KIAA1671: variants seen among roughly 807,000 people sequenced by gnomAD.
KIAA1671 encodes KIAA1671.
KIAA1671 carries 52 observed loss-of-function variants against 131.2 expected under a neutral mutation model. The ratio of observed to expected loss-of-function variants is 0.40; its 90% CI spans 0.32 to 0.50. KIAA1671 has a LOEUF of 0.50. KIAA1671 is among the 20% of genes least tolerant of loss of function. The pLI is 0.73. For synonymous variants in KIAA1671, 1,003 were observed against 961.6 expected, an observed-to-expected ratio of 1.04 and a Z score of -0.80; for missense variants, 2,360 against 2,364.2, an observed-to-expected ratio of 1.00 and a Z score of 0.04.
chr22:25,038,682 TCAA>T, intron 4 of KIAA1671, 75 bp from the exon 5 acceptor site: 1 of 1,377,532 alleles, frequency 7.3e-7, no homozygotes, highest in Non-Finnish European at 9.7e-7. Flanking sequence ...AGCAGCCCTT[TCAA>T]TTACTCCACT....
At chr22:24,964,791 G>A (rs1439613164) in intron 1 of KIAA1671, among the ~76,000 whole-genome samples, 2 of 152,234 alleles carry the variant, frequency 1.3e-5, no homozygotes, top group East Asian at 3.9e-4. Flanking sequence ...TTTGGAGAAG[G>A]AGTCACTTGC....
At chr22:24,955,094 A>G (rs1205584252) in intron 1 of KIAA1671, among the ~76,000 whole-genome samples, 1 of 152,112 alleles carries the variant, frequency 6.6e-6, no homozygotes, top group Non-Finnish European at 1.5e-5. Flanking sequence ...GCTGTTTTTT[A>G]TTGAAGGCTG....
intron 3 of KIAA1671, 86 bp from the exon 4 acceptor site, chr22:25,032,523 C>A: frequency 1.3e-6 from 1 of 762,906 alleles, no homozygotes; most frequent in Non-Finnish European, 2.2e-6. Flanking sequence ...CTGAAGGTTA[C>A]TTGGCCTGGC....
chr22:24,965,794 G>A (rs576510198), intron 1 of KIAA1671, among the ~76,000 whole-genome samples: 7 of 150,776 alleles, frequency 4.6e-5, no homozygotes, highest in South Asian at 4.2e-4. Flanking sequence ...TAAAAAATGT[G>A]TGTAAGTTGT....
Position 25,196,540 on chromosome 22 carries a change from T to A in KIAA1671, c.*4139T>A, listed in dbSNP as rs1934835058. ...GCCTCCAACTCCTGGGCTCAAGCAATCCTCTCATCTCCACCTCCAGAGTAG... is the reference window on the plus strand; with the variant it reads ...GCCTCCAACTCCTGGGCTCAAGCAAACCTCTCATCTCCACCTCCAGAGTAG... On this transcript the variant is annotated 3_prime_UTR_variant, in exon 13 of 13. Transcript: ENST00000358431. 1 of 152,048 alleles carries A rather than the reference T, an allele frequency of 6.6e-6. No homozygotes were observed. The highest frequency in any genetic ancestry group is 1.9e-4 in the East Asian group (1 of 5,182). The allele number at this position is 152,048 out of a possible 1,614,324, so 9.4% of individuals were successfully genotyped here. A position where few individuals can be genotyped will look rare whatever the true frequency, so the allele number is the denominator to read the frequency against.
chr22:25,187,520 T>C (rs542244721), intron 11 of KIAA1671, among the ~76,000 whole-genome samples: 74 of 152,276 alleles, frequency 4.9e-4, no homozygotes, highest in African/African-American at 1.8e-3. Context: ...GACTTTATTG[T>C]TTTTTGTTGT....
chr22:25,017,662 A>T lies in KIAA1671; in HGVS notation c.-207-7971A>T, dbSNP rs1925400878. 2.0e-5 allele frequency among the ~76,000 whole-genome samples: 3 copies of T among 152,318 alleles called. No homozygotes were observed. In the South Asian group the frequency reaches 6.2e-4, roughly 32 times the overall value. On this transcript the variant is annotated intron_variant, in intron 1 of 12. Coordinates refer to ENST00000358431, the MANE Select transcript of KIAA1671 (RefSeq NM_001145206.2). ...TATGTGATTTTTACCCCAATTTTTT[A>T]AAAAGTAGGATGATTGAATAATTTA...
intron 1 of KIAA1671, among the ~76,000 whole-genome samples, chr22:24,956,580 C>T (rs1052272280): frequency 3.5e-4 from 53 of 151,882 alleles, no homozygotes; most frequent in African/African-American, 1.0e-3. Context: ...GGGAGGGAGC[C>T]AGCCAGCCGG....
intron 1 of KIAA1671, among the ~76,000 whole-genome samples, chr22:24,963,488 G>A (rs2123801450): frequency 6.6e-6 from 1 of 152,084 alleles, no homozygotes; most frequent in East Asian, 1.9e-4. Context: ...GGGAGCATCT[G>A]GGGTTGCTTC....
At chr22:25,109,963 C>T (rs1273013250) in intron 6 of KIAA1671, 1 of 152,064 alleles carries the variant, frequency 6.6e-6, no homozygotes, top group African/African-American at 2.4e-5. Context: ...ACAAAAATTA[C>T]ACACAAAAAA....
At chr22:25,082,224 G>T (rs1929448869) in intron 6 of KIAA1671, among the ~76,000 whole-genome samples, 1 of 152,172 alleles carries the variant, frequency 6.6e-6, no homozygotes, top group South Asian at 2.1e-4. Flanking sequence ...TCTGGGCCCA[G>T]CATCTTCTTT....
In KIAA1671 at chr22:25,028,795, A is replaced by C; in HGVS notation, c.796A>C (p.Lys266Gln). ...CCCCGGCGCAGCGGCCACAGTGGGC[A>C]AAGTGCCACCCACCCCTCCCGAGAA... ...PGPGAAATVGKVPPTPPEKTW... is the reference protein window; with the variant it reads ...PGPGAAATVGQVPPTPPEKTW... The change falls in exon 3 of 13, where the codon AAA (lysine) becomes CAA (glutamine). Residue 266 changes from lysine (K) to glutamine (Q), a missense_variant. Coordinates refer to ENST00000358431, the MANE Select transcript of KIAA1671 (RefSeq NM_001145206.2). 1 of 1,551,276 alleles carries C rather than the reference A, an allele frequency of 6.4e-7. No individual in the cohort carries two copies. The highest frequency in any genetic ancestry group is 2.4e-5 in the East Asian group (1 of 40,922).
At chr22:25,140,196 C>A (rs1352996831) in intron 6 of KIAA1671, among the ~76,000 whole-genome samples, 1 of 152,176 alleles carries the variant, frequency 6.6e-6, no homozygotes, top group African/African-American at 2.4e-5. Flanking sequence ...TGGCAGAATT[C>A]ATTTCCTTGG....
chr22:25,041,663 G>A, intron 5 of KIAA1671, 138 bp downstream of exon 5: 1 of 878,654 alleles, frequency 1.1e-6, no homozygotes, highest in South Asian at 1.8e-5. Context: ...CTCCAGGGAG[G>A]GGTATGGATT....
chr22:25,148,890 A>G (rs536179419), intron 6 of KIAA1671, among the ~76,000 whole-genome samples: 229 of 152,306 alleles, frequency 1.5e-3, no homozygotes, highest in Non-Finnish European at 2.8e-3. Flanking sequence ...CACTGCTGCA[A>G]TGATTCTTAC....
rs1302874892 is a variant in KIAA1671, at chr22:25,029,271, G to A, written c.1272G>A (p.Glu424=). The A allele has an allele frequency of 6.7e-7, 1 of 1,502,690 alleles. No homozygotes were observed. Among genetic ancestry groups the A allele is most frequent in the Non-Finnish European group, 8.9e-7 (1 of 1,120,278 alleles). 93.1% of individuals were successfully genotyped at this position (1,502,690 alleles called of 1,614,324 possible). A position where few individuals can be genotyped will look rare whatever the true frequency, so the allele number is the denominator to read the frequency against. Residue 424 remains glutamate (E), a synonymous_variant, in exon 3 of 13, where the codon GAG becomes GAA. Transcript: ENST00000358431. ...AEVKSRVADG[E]AAAGGEWASR... ...TTAAGAGCAGAGTGGCGGATGGGGA[G>A]GCCGCGGCAGGGGGAGAGTGGGCCT...
chr22:24,979,360 T>A (rs547895415), intron 1 of KIAA1671, among the ~76,000 whole-genome samples: 4 of 147,086 alleles, frequency 2.7e-5, no homozygotes, highest in South Asian at 2.2e-4. Flanking sequence ...ATTTATTTAT[T>A]TTTTTTTGAG....
chr22:24,973,389 G>GTTT lies in KIAA1671; in HGVS notation c.-208+20642_-208+20644dup, dbSNP rs57519039. On this transcript the variant is annotated intron_variant, in intron 1 of 12. Coordinates refer to ENST00000358431, the MANE Select transcript of KIAA1671 (RefSeq NM_001145206.2). ...TACAGACCCCAAACTGCATATGATG[G>GTTT]TTTTTTTTTTTTTTTTTTTTTTTTT... is the stretch of plus-strand genomic sequence containing the variant. 4.5e-3 allele frequency among the ~76,000 whole-genome samples: 320 copies of GTTT among 71,652 alleles called. 63 individuals carry two copies. Among genetic ancestry groups the GTTT allele is most frequent in the African/African-American group, 0.013 (240 of 18,016 alleles). 47.0% of individuals were successfully genotyped at this position (71,652 alleles called of 152,430 possible). A position where few individuals can be genotyped will look rare whatever the true frequency, so the allele number is the denominator to read the frequency against.
intron 1 of KIAA1671, among the ~76,000 whole-genome samples, chr22:24,986,585 C>T (rs1356918295): frequency 6.6e-6 from 1 of 151,024 alleles, no homozygotes; most frequent in Non-Finnish European, 1.5e-5. Flanking sequence ...AGATGTAGAA[C>T]CCATGGATAC....
Sources: gnomAD v4.1 joint callset for allele counts (sites outside exome capture counted in the v4.1 genomes callset) on GRCh38, gnomAD v4.1.1 for gene constraint, MANE v1.5 for transcripts, NCBI Gene and HGNC (gene_info 2026-07-23, HGNC 2026-07-21) for gene names.